Variants in MAST2 observed in about 807,000 individuals in gnomAD.
MAST2 encodes microtubule-associated serine/threonine-protein kinase 2.
MAST2 carries 70 observed loss-of-function variants against 147.4 expected under a neutral mutation model. The observed-to-expected ratio is 0.47, with a 90% CI of 0.39 to 0.58. The LOEUF (loss-of-function observed/expected upper bound fraction) is 0.58, where lower values mean the gene tolerates loss of function less well. Ranked by LOEUF, MAST2 falls within the 20% of genes least tolerant of loss-of-function variation. The pLI, the probability that MAST2 is intolerant of heterozygous loss-of-function variation, is 0.00. For synonymous variants in MAST2, 869 were observed against 896.8 expected, an observed-to-expected ratio of 0.97 and a Z score of 0.55; for missense variants, 2,080 against 2,302.3, an observed-to-expected ratio of 0.90 and a Z score of 1.98.
At chr1:45,893,830 C>A (rs993536237) in intron 4 of MAST2, among the ~76,000 whole-genome samples, 3 of 152,136 alleles carry the variant, frequency 2.0e-5, no homozygotes, top group Non-Finnish European at 4.4e-5. Context: ...TCATGAAATT[C>A]ATTAATAACA....
intron 10 of MAST2, among the ~76,000 whole-genome samples, chr1:46,012,200 CA>C (rs1645743754): frequency 6.6e-6 from 1 of 152,200 alleles, no homozygotes; most frequent in Admixed American, 6.5e-5. Context: ...ATATAGGAAT[CA>C]GGGATTACTG....
rs1224119065 is a variant in MAST2 at position 46,033,926 on chromosome 1, A to C, written c.3662A>C (p.Asp1221Ala). ...ARRSKRSRGK[D>A]GQESRKRSSL... The stretch of plus-strand genomic sequence containing the variant: ...AGGAGCAAGAGGAGCCGCGGCAAGG[A>C]TGGGCAAGAAAGGTGAGCCAGGCGC... The change falls in exon 27 of 29, where the codon GAT becomes GCT. Residue 1221 changes from aspartate (D) to alanine (A), a missense_variant. By Grantham distance (126) the Asp-to-Ala change is moderately radical. Coordinates refer to ENST00000361297, the MANE Select transcript of MAST2 (RefSeq NM_015112.3). 6.2e-7 allele frequency: 1 copy of C among 1,614,086 alleles called. No homozygotes were observed. Among genetic ancestry groups the C allele is most frequent in the South Asian group, 1.1e-5 (1 of 91,082 alleles).
At chr1:45,874,999 A>G (rs1374697570) in intron 3 of MAST2, among the ~76,000 whole-genome samples, 2 of 152,230 alleles carry the variant, frequency 1.3e-5, no homozygotes, top group African/African-American at 2.4e-5. Context: ...AAAGCATGGC[A>G]AGTCTGAGTC....
At chr1:45,950,513 A>G (rs1658773049) in intron 4 of MAST2, among the ~76,000 whole-genome samples, 2 of 152,136 alleles carry the variant, frequency 1.3e-5, no homozygotes, top group African/African-American at 4.8e-5. Flanking sequence ...GAAAATTTCT[A>G]CCTGTAAGCC....
At chr1:45,915,467 T>A (rs1652338415) in intron 4 of MAST2, among the ~76,000 whole-genome samples, 1 of 152,086 alleles carries the variant, frequency 6.6e-6, no homozygotes, top group Non-Finnish European at 1.5e-5. Context: ...TCCCAGCACT[T>A]TGGGAGGCCG....
Position 45,858,775 on chromosome 1 carries a change from T to G in MAST2, c.469-23589T>G, listed in dbSNP as rs954606753. Among the ~76,000 whole-genome samples, 286 of 151,758 alleles carry G rather than the reference T, an allele frequency of 1.9e-3. 2 individuals are homozygous for G. Among genetic ancestry groups the G allele is most frequent in the Middle Eastern group, 6.8e-3 (2 of 294 alleles). On this transcript the variant is annotated intron_variant, in intron 3 of 28. Transcript: ENST00000361297. ...TAACATTTAAGTCTTTAATCCATCT[T>G]GAATTAATTTTTGTATAAGGTGTAA... is the stretch of plus-strand genomic sequence containing the variant.
At chr1:46,016,545 A>G (rs949980128) in intron 10 of MAST2, among the ~76,000 whole-genome samples, 46 of 152,292 alleles carry the variant, frequency 3.0e-4, no homozygotes, top group African/African-American at 1.1e-3. Flanking sequence ...TAACAGACAA[A>G]CAGCCAAATC....
chr1:45,900,173 C>CAAGAAAA (rs1649512915), intron 4 of MAST2, among the ~76,000 whole-genome samples: 1 of 54,106 alleles, frequency 1.8e-5, no homozygotes, highest in Non-Finnish European at 3.1e-5. Context: ...CTCTCTCTCT[C>CAAGAAAA]AAAAAAAAAA....
At chr1:45,980,095 G>A (rs559806335) in intron 5 of MAST2, among the ~76,000 whole-genome samples, 1 of 152,054 alleles carries the variant, frequency 6.6e-6, no homozygotes, top group South Asian at 2.1e-4. Flanking sequence ...GACCAGCCTC[G>A]CCAACCTGGA....
At chr1:45,898,358 T>C (rs998014049) in intron 4 of MAST2, among the ~76,000 whole-genome samples, 5 of 152,290 alleles carry the variant, frequency 3.3e-5, no homozygotes, top group African/African-American at 1.2e-4. Context: ...AACCAATGTT[T>C]CAATTGCCCA....
At chr1:46,027,483 G>A (rs1276399448) in intron 16 of MAST2, among the ~76,000 whole-genome samples, 1 of 152,152 alleles carries the variant, frequency 6.6e-6, no homozygotes, top group African/African-American at 2.4e-5. Context: ...ATACAGTTAG[G>A]GCAATAAGCA....
chr1:46,022,716 G>A (rs1571246254), intron 12 of MAST2, among the ~76,000 whole-genome samples, 194 bp from the exon 13 acceptor site: 2 of 152,330 alleles, frequency 1.3e-5, no homozygotes, highest in Admixed American at 6.5e-5. Context: ...GGGAGTAGCA[G>A]TAGGATTTGG....
At chr1:45,941,694 T>C (rs1257158250) in intron 4 of MAST2, among the ~76,000 whole-genome samples, 1 of 151,522 alleles carries the variant, frequency 6.6e-6, no homozygotes, top group African/African-American at 2.5e-5. Flanking sequence ...TTTTTATTTG[T>C]TTATTCCTTA....
intron 1 of MAST2, among the ~76,000 whole-genome samples, chr1:45,821,482 T>C (rs1361147365): frequency 6.6e-6 from 1 of 150,700 alleles, no homozygotes; most frequent in Non-Finnish European, 1.5e-5. Context: ...GTATCTGTCA[T>C]CACATTTGGG....
intron 3 of MAST2, among the ~76,000 whole-genome samples, chr1:45,839,224 G>A (rs1176417509): frequency 1.3e-5 from 2 of 149,966 alleles, no homozygotes; most frequent in African/African-American, 4.9e-5. Flanking sequence ...CGCCTCCCGG[G>A]TTCAAGTGAT....
chr1:45,935,432 C>A (rs1428138242), intron 4 of MAST2, among the ~76,000 whole-genome samples: 1 of 152,064 alleles, frequency 6.6e-6, no homozygotes, highest in East Asian at 1.9e-4. Context: ...GTTTCTGTTG[C>A]AATTGCTTTT....
chr1:45,952,626 T>G (rs533575141), intron 4 of MAST2, among the ~76,000 whole-genome samples: 8 of 152,038 alleles, frequency 5.3e-5, no homozygotes, highest in African/African-American at 1.7e-4. Flanking sequence ...ATGCTAAGAG[T>G]AAGCTTTTCA....
At chr1:45,923,827 C>G (rs942155930) in intron 4 of MAST2, among the ~76,000 whole-genome samples, 2 of 152,300 alleles carry the variant, frequency 1.3e-5, no homozygotes, top group Non-Finnish European at 1.5e-5. Context: ...TTCCCACAGT[C>G]TGTTGTCACT....
rs111440976 is a variant in MAST2, at chr1:45,823,971, C to T, written c.178-462C>T. 5.8e-3 allele frequency among the ~76,000 whole-genome samples: 880 copies of T among 152,226 alleles called. 4 individuals are homozygous for T. Among genetic ancestry groups the T allele is most frequent in the Non-Finnish European group, 8.6e-3 (588 of 68,010 alleles). On this transcript the variant is annotated intron_variant, in intron 1 of 28. Coordinates refer to ENST00000361297, the MANE Select transcript of MAST2 (RefSeq NM_015112.3). ...ACCTGTATTTAGCTCCTCTTATAGG[C>T]ATATAAAGAAAGCTCTAATATTAAT...
Sources: allele counts gnomAD v4.1 joint callset (sites outside exome capture counted in the v4.1 genomes callset), GRCh38; gene constraint gnomAD v4.1.1; transcripts MANE v1.5; gene names NCBI Gene and HGNC (gene_info 2026-07-23, HGNC 2026-07-21).